The following SLC10A7 variants were observed in gnomAD, a reference collection of about 807,000 sequenced individuals.
SLC10A7 encodes the protein solute carrier family 10 member 7, also known as sodium/bile acid cotransporter 7.
Under a neutral mutation model 43.2 loss-of-function variants are expected in SLC10A7, and 29 were observed. The ratio of observed to expected loss-of-function variants is 0.67; its 90% CI spans 0.50 to 0.92. The LOEUF (loss-of-function observed/expected upper bound fraction) is 0.92, where lower values mean the gene tolerates loss of function less well. Ranked by LOEUF, SLC10A7 falls within the 40% of genes least tolerant of loss-of-function variation. SLC10A7 has a pLI of 0.00. For missense variants in SLC10A7, 295 were observed against 403.2 expected (o/e 0.73, Z 2.30); for synonymous variants, 152 against 144.8 (o/e 1.05, Z -0.35).
At chr4:146,289,079 CTCT>C (rs951084622) in intron 9 of SLC10A7, among the ~76,000 whole-genome samples, 11 of 152,152 alleles carry the variant, frequency 7.2e-5, no homozygotes, top group Non-Finnish European at 1.5e-4. Context: ...CAAGTGAGGC[CTCT>C]TCTTTGTTAA....
chr4:146,403,559 T>C (rs190720468), intron 5 of SLC10A7, among the ~76,000 whole-genome samples: 2 of 152,184 alleles, frequency 1.3e-5, no homozygotes, highest in Non-Finnish European at 2.9e-5. Context: ...ACATTTCATA[T>C]ACCTGCATGT....
intron 5 of SLC10A7, among the ~76,000 whole-genome samples, chr4:146,415,400 G>A (rs1016877685): frequency 2.0e-5 from 3 of 152,110 alleles, no homozygotes; most frequent in African/African-American, 7.2e-5. Context: ...TAATATTTAT[G>A]GAGTATTTAC....
intron 4 of SLC10A7, among the ~76,000 whole-genome samples, chr4:146,467,933 C>A (rs1733196308): frequency 1.3e-5 from 2 of 152,098 alleles, no homozygotes. Context: ...TGACACAGCA[C>A]CCTGTACAAG....
At chr4:146,483,498 T>A in intron 4 of SLC10A7, among the ~76,000 whole-genome samples, 1 of 149,586 alleles carries the variant, frequency 6.7e-6, no homozygotes. Context: ...GTGAAAGAAA[T>A]CAAAGTATAG....
chr4:146,405,933 A>G (rs900718930), intron 5 of SLC10A7, among the ~76,000 whole-genome samples: 2 of 152,162 alleles, frequency 1.3e-5, no homozygotes, highest in African/African-American at 2.4e-5. Context: ...TGGATCCAAG[A>G]CTAGCAGGTA....
At chr4:146,396,085 T>C (rs192730446) in intron 5 of SLC10A7, among the ~76,000 whole-genome samples, 50 of 152,304 alleles carry the variant, frequency 3.3e-4, no homozygotes, top group Non-Finnish European at 5.6e-4. Flanking sequence ...CTCAGACATA[T>C]TATATAAAAG....
rs894144547 is a variant in SLC10A7 at position 146,447,937 on chromosome 4, C to A, written c.397-5116G>T. ...GGTAAATTTCTTAAAAAAAAAAAAA[C>A]CTAATCATTCTCAGCAAACTATCGC... On this transcript the variant is annotated intron_variant, in intron 4 of 11. Coordinates refer to ENST00000335472, the MANE Select transcript of SLC10A7 (RefSeq NM_001029998.6). Among the ~76,000 whole-genome samples the A allele has an allele frequency of 1.4e-3, 213 of 150,186 alleles. 1 individual carries two copies. Among genetic ancestry groups the A allele is most frequent in the Middle Eastern group, 3.4e-3 (1 of 292 alleles).
intron 5 of SLC10A7, among the ~76,000 whole-genome samples, chr4:146,351,733 A>G (rs1270601707): frequency 2.4e-4 from 36 of 147,700 alleles, no homozygotes; most frequent in Admixed American, 2.1e-3. Context: ...CCAATATTCA[A>G]CATTCTTAAA....
rs755028074 is a variant in SLC10A7 at position 146,256,466 on chromosome 4, T to C, written c.*25A>G. 1.9e-6 allele frequency: 3 copies of C among 1,612,858 alleles called. No individual in the cohort carries two copies. The highest frequency in any genetic ancestry group is 2.5e-6 in the Non-Finnish European group (3 of 1,178,848). On this transcript the variant is annotated 3_prime_UTR_variant, in exon 12 of 12. Coordinates refer to ENST00000335472, the MANE Select transcript of SLC10A7 (RefSeq NM_001029998.6). ...TGTACAATCCTGTACATATATACAT[T>C]GCTACAGAAAGTCCACCTCCTTTGT...
chr4:146,519,283 T>G (rs1269488539), intron 1 of SLC10A7, among the ~76,000 whole-genome samples: 2 of 143,518 alleles, frequency 1.4e-5, no homozygotes, highest in African/African-American at 5.1e-5. Flanking sequence ...ATATACAATA[T>G]ATAACATAAT....
At chr4:146,348,856 T>A (rs1734815305) in intron 5 of SLC10A7, among the ~76,000 whole-genome samples, 1 of 152,180 alleles carries the variant, frequency 6.6e-6, no homozygotes, top group Admixed American at 6.5e-5. Context: ...TCGCACTTTG[T>A]CATTACTATA....
intron 6 of SLC10A7, among the ~76,000 whole-genome samples, chr4:146,306,534 T>C (rs565710462): frequency 6.6e-6 from 1 of 152,192 alleles, no homozygotes; most frequent in Admixed American, 6.5e-5. Flanking sequence ...ATATAACTTA[T>C]TTTTCAACTT....
At chr4:146,434,231 T>C (rs1389149852) in intron 5 of SLC10A7, among the ~76,000 whole-genome samples, 1 of 152,194 alleles carries the variant, frequency 6.6e-6, no homozygotes, top group Non-Finnish European at 1.5e-5. Context: ...TAGACCAAAA[T>C]GCTGATTCGT....
intron 4 of SLC10A7, among the ~76,000 whole-genome samples, chr4:146,465,755 G>C (rs1194853637): frequency 6.6e-6 from 1 of 152,124 alleles, no homozygotes; most frequent in African/African-American, 2.4e-5. Context: ...CTCTGTGGCT[G>C]CTTCCAACCC....
At chr4:146,371,641 T>A (rs922770737) in intron 5 of SLC10A7, among the ~76,000 whole-genome samples, 5 of 152,208 alleles carry the variant, frequency 3.3e-5, no homozygotes, top group Non-Finnish European at 1.5e-5. Context: ...ATCATGGTTC[T>A]GCTGCCTCCT....
intron 5 of SLC10A7, among the ~76,000 whole-genome samples, chr4:146,438,847 G>C (rs1730394257): frequency 6.6e-6 from 1 of 151,960 alleles, no homozygotes; most frequent in African/African-American, 2.4e-5. Context: ...TTTCCCAAAA[G>C]ATGTCAGTAT....
At chr4:146,505,168 A>G (rs1736783135) in intron 3 of SLC10A7, among the ~76,000 whole-genome samples, 1 of 152,180 alleles carries the variant, frequency 6.6e-6, no homozygotes, top group African/African-American at 2.4e-5. Flanking sequence ...CCCCACTTAT[A>G]CAAGAATTTC....
chr4:146,443,748 T>C (rs549835456), intron 4 of SLC10A7, among the ~76,000 whole-genome samples: 1 of 152,374 alleles, frequency 6.6e-6, no homozygotes, highest in South Asian at 2.1e-4. Context: ...CTAAGAGCTG[T>C]AGCTGAAAAT....
At chr4:146,296,715 T>G (rs17021355) in intron 7 of SLC10A7, among the ~76,000 whole-genome samples, 8,575 of 152,270 alleles carry the variant, frequency 0.056, 348 homozygotes, top group South Asian at 0.16. Flanking sequence ...GCATAGAGCT[T>G]TTCCATCTTC....
Sources: gnomAD v4.1 joint callset for allele counts (sites outside exome capture counted in the v4.1 genomes callset) on GRCh38, gnomAD v4.1.1 for gene constraint, MANE v1.5 for transcripts, NCBI Gene and HGNC (gene_info 2026-07-23, HGNC 2026-07-21) for gene names.